Variants in POLR3B observed in about 807,000 individuals in gnomAD.
The protein encoded by POLR3B is RNA polymerase III subunit B.
Under a neutral mutation model 147.4 loss-of-function variants are expected in POLR3B, and 96 were observed. The ratio of observed to expected loss-of-function variants is 0.65; its 90% CI spans 0.55 to 0.77. The LOEUF is 0.77. POLR3B is among the 30% of genes least tolerant of loss of function. The pLI is 0.00. For synonymous variants in POLR3B, 461 were observed against 485.9 expected (o/e 0.95, Z 0.67); for missense variants, 1,036 against 1,413.5 (o/e 0.73, Z 4.28).
chr12:106,395,106 C>T (rs954132667), intron 10 of POLR3B, among the ~76,000 whole-genome samples: 1 of 152,108 alleles, frequency 6.6e-6, no homozygotes, highest in Non-Finnish European at 1.5e-5. Context: ...GTGGCAGGCA[C>T]CAGTGGTCTC....
chr12:106,465,869 AC>A (rs1292761526), intron 23 of POLR3B, among the ~76,000 whole-genome samples: 3 of 152,204 alleles, frequency 2.0e-5, no homozygotes, highest in Non-Finnish European at 4.4e-5. Flanking sequence ...TCATTGATGG[AC>A]ATTTGGGTTG....
At chr12:106,393,976 C>T (rs1205195722) in intron 10 of POLR3B, among the ~76,000 whole-genome samples, 7 of 152,166 alleles carry the variant, frequency 4.6e-5, no homozygotes, top group Admixed American at 3.3e-4. Flanking sequence ...TCACAACAGA[C>T]AGTTCTTACC....
chr12:106,437,124 G>A lies in POLR3B; in HGVS notation c.1849G>A (p.Gly617Arg), dbSNP rs2037588033. The part of the protein sequence containing the change: ...TNKHMEELAQ[G>R]YRNFEDFLHE... ...TAAACATATGGAAGAGCTGGCCCAA[G>A]GGTACAGGTAAGTAGCCAAAAGTAA... Residue 617 changes from glycine to arginine, a missense_variant, in exon 17 of 28, where the codon GGG becomes AGG. Gly to Arg is a moderately radical substitution (Grantham distance 125). Coordinates refer to ENST00000228347, the MANE Select transcript of POLR3B (RefSeq NM_018082.6). The A allele has an allele frequency of 3.1e-6, 5 of 1,611,856 alleles. No homozygotes were observed. The highest frequency in any genetic ancestry group is 2.7e-5 in the African/African-American group (2 of 75,012).
rs916018030 is a variant in POLR3B, at chr12:106,417,724, G to A, written c.1101+6764G>A. ...CCACTACTTAGCAGTTTGGTTTTTG[G>A]CCACCTTCAGATTGACCATTGTGCA... On this transcript the variant is annotated intron_variant, in intron 12 of 27. Coordinates refer to ENST00000228347, the MANE Select transcript of POLR3B (RefSeq NM_018082.6). 6.6e-5 allele frequency among the ~76,000 whole-genome samples: 10 copies of A among 152,172 alleles called. 1 individual carries two copies. The highest frequency in any genetic ancestry group is 4.6e-4 in the Admixed American group (7 of 15,270).
chr12:106,440,041 A>C (rs528345390), intron 18 of POLR3B, among the ~76,000 whole-genome samples: 2 of 152,294 alleles, frequency 1.3e-5, no homozygotes, highest in Non-Finnish European at 2.9e-5. Context: ...CTTGGGCGAG[A>C]GAGTGAGACC....
Position 106,396,089 on chromosome 12 carries a change from T to C in POLR3B, c.846+2936T>C, listed in dbSNP as rs1253880616. Among the ~76,000 whole-genome samples the C allele has an allele frequency of 2.0e-5, 3 of 152,196 alleles. No individual in the cohort carries two copies. The East Asian group carries it at 5.8e-4, about 29-fold the overall frequency. ...GGGCTCTAGTATATAGAGAAGAAAG[T>C]ACTAGCTGTAGCGGGGGATAGGAGG... On this transcript the variant is annotated intron_variant, in intron 10 of 27. Coordinates refer to ENST00000228347, the MANE Select transcript of POLR3B (RefSeq NM_018082.6).
At chr12:106,476,885 A>G (rs905140148) in intron 23 of POLR3B, among the ~76,000 whole-genome samples, 247 of 152,148 alleles carry the variant, frequency 1.6e-3, no homozygotes, top group Non-Finnish European at 2.6e-3. Flanking sequence ...ATCATTCTCC[A>G]TCCAGCTTTG....
intron 10 of POLR3B, among the ~76,000 whole-genome samples, chr12:106,397,303 T>TA (rs2036992056): frequency 6.6e-6 from 1 of 152,230 alleles, no homozygotes; most frequent in Admixed American, 6.5e-5. Context: ...TTGGTTATTT[T>TA]AAGTAAATTT....
rs990235768 is a variant in POLR3B, at chr12:106,366,556, A to G, written c.146A>G (p.Tyr49Cys). Reference sequence around the variant, plus strand: ...AAACAGCATATAGATTCATTTAACTATTTCATTAATGTAGAGGTAAGCATC... The same window carrying G: ...AAACAGCATATAGATTCATTTAACTGTTTCATTAATGTAGAGGTAAGCATC... ...LVKQHIDSFN[Y>C]FINVEIKKIM... The change falls in exon 3 of 28, where the codon TAT (tyrosine) becomes TGT (cysteine). Residue 49 changes from tyrosine to cysteine, a missense_variant. Physicochemically the swap from Tyr to Cys is radical, Grantham distance 194. Around this residue, in one of 12 missense-constraint regions of POLR3B, gnomAD observed 150 missense variants for 145.5 expected, o/e 1.03. Transcript: ENST00000228347. 1 of 1,608,278 alleles carries G rather than the reference A, an allele frequency of 6.2e-7. No homozygotes were observed. Among genetic ancestry groups the G allele is most frequent in the Non-Finnish European group, 8.5e-7 (1 of 1,174,862 alleles).
chr12:106,430,285 T>C lies in POLR3B; in HGVS notation c.1276T>C (p.Leu426=). 1 of 1,613,834 alleles carries C rather than the reference T, an allele frequency of 6.2e-7. No individual in the cohort carries two copies. The highest frequency in any genetic ancestry group is 8.5e-7 in the Non-Finnish European group (1 of 1,179,756). ...VNAISTGNWS[L]KRFKMDRQGV... is the part of the protein sequence containing the mutation. ...CATCTCCCTACAGGGAAATTGGTCTTTAAAGAGATTTAAAATGGACCGCCA... is the reference window on the plus strand; with the variant it reads ...CATCTCCCTACAGGGAAATTGGTCTCTAAAGAGATTTAAAATGGACCGCCA... The change falls in exon 14 of 28, where the codon TTA becomes CTA. Residue 426 remains leucine (L), a synonymous_variant. Transcript: ENST00000228347.
intron 10 of POLR3B, among the ~76,000 whole-genome samples, chr12:106,395,007 C>T (rs1565882728): frequency 6.6e-6 from 1 of 152,148 alleles, no homozygotes; most frequent in Non-Finnish European, 1.5e-5. Flanking sequence ...AGTCTGTTCT[C>T]ACATTGCTAT....
chr12:106,434,373 C>G (rs539835737), intron 16 of POLR3B, among the ~76,000 whole-genome samples: 1 of 152,126 alleles, frequency 6.6e-6, no homozygotes, highest in Non-Finnish European at 1.5e-5. Context: ...TTGCTACAAA[C>G]TGAGCTTTAA....
intron 23 of POLR3B, among the ~76,000 whole-genome samples, chr12:106,475,632 G>A (rs1196023357): frequency 2.2e-5 from 3 of 138,710 alleles, no homozygotes; most frequent in Non-Finnish European, 4.6e-5. Flanking sequence ...GGCCTTCTTT[G>A]TCTCTTTTGA....
At chr12:106,447,605 G>A (rs533351047) in intron 19 of POLR3B, among the ~76,000 whole-genome samples, 65 of 152,296 alleles carry the variant, frequency 4.3e-4, no homozygotes, top group African/African-American at 1.5e-3. Flanking sequence ...TGTTGGAGCC[G>A]CATTTTGTGT....
At chr12:106,399,434 C>A (rs1403593598) in intron 10 of POLR3B, among the ~76,000 whole-genome samples, 1 of 152,182 alleles carries the variant, frequency 6.6e-6, no homozygotes, top group Non-Finnish European at 1.5e-5. Flanking sequence ...CTTCCCCAAT[C>A]TAGCAAGGCA....
intron 19 of POLR3B, among the ~76,000 whole-genome samples, chr12:106,451,883 G>A (rs1360457975): frequency 6.6e-6 from 1 of 152,072 alleles, no homozygotes; most frequent in Non-Finnish European, 1.5e-5. Flanking sequence ...AGAAAATAGG[G>A]CTTTTTAGAA....
intron 22 of POLR3B, among the ~76,000 whole-genome samples, chr12:106,462,310 C>G (rs1038963359): frequency 6.6e-6 from 1 of 152,138 alleles, no homozygotes; most frequent in Non-Finnish European, 1.5e-5. Context: ...TGCAGTGGCA[C>G]GATCTTGGCT....
At chr12:106,362,636 A>G (rs2036485709) in intron 1 of POLR3B, among the ~76,000 whole-genome samples, 1 of 152,066 alleles carries the variant, frequency 6.6e-6, no homozygotes, top group Non-Finnish European at 1.5e-5. Flanking sequence ...CTTTTTTATA[A>G]GGACACCAGT....
chr12:106,507,575 C>A, intron 27 of POLR3B: 1 of 254,064 alleles, frequency 3.9e-6, no homozygotes, highest in South Asian at 4.1e-5. Flanking sequence ...AATTTTTGAA[C>A]TCGAATGCAT....
Sources: gnomAD v4.1 joint callset for allele counts (sites outside exome capture counted in the v4.1 genomes callset) on GRCh38, gnomAD v4.1.1 for gene constraint, gnomAD v4.1.1 regional missense constraint, MANE v1.5 for transcripts, NCBI Gene and HGNC (gene_info 2026-07-23, HGNC 2026-07-21) for gene names.